KCNH7: variants seen among roughly 807,000 people sequenced by gnomAD.
The protein encoded by KCNH7 is potassium voltage-gated channel subfamily H member 7.
A neutral mutation model predicts 120.8 loss-of-function variants in KCNH7; 49 were observed. That is an observed-to-expected ratio of 0.41 (90% CI 0.32 to 0.51). The LOEUF (loss-of-function observed/expected upper bound fraction) is 0.51, where lower values mean the gene tolerates loss of function less well. KCNH7 is among the 20% of genes least tolerant of loss of function. The pLI is 0.38. For missense variants in KCNH7, 1,097 were observed against 1,446.6 expected (o/e 0.76, Z 3.92); for synonymous variants, 547 against 516.1 (o/e 1.06, Z -0.81).
intron 2 of KCNH7, among the ~76,000 whole-genome samples, chr2:162,775,209 A>G (rs893378859): frequency 2.6e-5 from 4 of 152,150 alleles, no homozygotes; most frequent in African/African-American, 9.7e-5. Context: ...GTAAAAAAAA[A>G]TTATCTGATT....
rs142090201 is a variant in KCNH7 at position 162,646,196 on chromosome 2, A to G, written c.308-109116T>C. Among the ~76,000 whole-genome samples the G allele has an allele frequency of 4.3e-3, 654 of 152,316 alleles. 2 individuals carry two copies. Among genetic ancestry groups the G allele is most frequent in the Admixed American group, 8.7e-3 (133 of 15,288 alleles). On this transcript the variant is annotated intron_variant, in intron 2 of 15. Coordinates refer to ENST00000332142, the MANE Select transcript of KCNH7 (RefSeq NM_033272.4). ...TTTATGTTTTATCTGTATATATTAG[A>G]ACTGAGAATGCCCACGTAGGACAGA...
At chr2:162,694,343 T>C (rs1242455093) in intron 2 of KCNH7, among the ~76,000 whole-genome samples, 1 of 152,202 alleles carries the variant, frequency 6.6e-6, no homozygotes, top group Admixed American at 6.5e-5. Flanking sequence ...GAACTCAGAC[T>C]GTTCTCCTCT....
intron 2 of KCNH7, among the ~76,000 whole-genome samples, chr2:162,605,949 A>G (rs930379771): frequency 6.6e-6 from 1 of 152,136 alleles, no homozygotes; most frequent in Admixed American, 6.6e-5. Flanking sequence ...CAGAATAATT[A>G]TTTAATATTT....
chr2:162,638,570 T>C (rs1363658619), intron 2 of KCNH7, among the ~76,000 whole-genome samples: 1 of 152,068 alleles, frequency 6.6e-6, no homozygotes, highest in Non-Finnish European at 1.5e-5. Flanking sequence ...GCTTAAAAAG[T>C]AACCAGCATC....
chr2:162,551,887 G>C (rs1692680347), intron 2 of KCNH7, among the ~76,000 whole-genome samples: 1 of 152,102 alleles, frequency 6.6e-6, no homozygotes, highest in East Asian at 1.9e-4. Flanking sequence ...TGGTATTGGT[G>C]ATAAATTGTG....
At chr2:162,687,129 T>C (rs1383757558) in intron 2 of KCNH7, among the ~76,000 whole-genome samples, 3 of 152,068 alleles carry the variant, frequency 2.0e-5, no homozygotes, top group African/African-American at 4.8e-5. Context: ...AGCCTTGACA[T>C]TGATTTTGCT....
intron 12 of KCNH7, among the ~76,000 whole-genome samples, chr2:162,388,833 A>G (rs113074874): frequency 0.013 from 1,978 of 152,090 alleles, 42 homozygotes; most frequent in African/African-American, 0.045. Flanking sequence ...GTTTATTGCT[A>G]TCCTTTGAAA....
intron 2 of KCNH7, among the ~76,000 whole-genome samples, chr2:162,593,059 A>G (rs1694263202): frequency 6.6e-6 from 1 of 152,138 alleles, no homozygotes; most frequent in South Asian, 2.1e-4. Flanking sequence ...CAAGGGCCAA[A>G]AAATAAAAAT....
chr2:162,428,608 C>T (rs1001178501), intron 8 of KCNH7, among the ~76,000 whole-genome samples: 11 of 151,786 alleles, frequency 7.2e-5, no homozygotes, highest in African/African-American at 2.7e-4. Context: ...CTATAAAACG[C>T]TGAGAGAGGA....
intron 9 of KCNH7, among the ~76,000 whole-genome samples, chr2:162,409,961 C>G (rs1286582041): frequency 6.6e-6 from 1 of 151,934 alleles, no homozygotes; most frequent in African/African-American, 2.4e-5. Context: ...ACATTTCATG[C>G]TCATGGATAG....
chr2:162,635,595 A>C lies in KCNH7; in HGVS notation c.308-98515T>G, dbSNP rs545332823. On this transcript the variant is annotated intron_variant, in intron 2 of 15. Transcript: ENST00000332142. ...AAATTGCTGCCATGCACATATCTGAATCACAATTCCTGCTAATTCTTTTTG... is the reference window on the plus strand; with the variant it reads ...AAATTGCTGCCATGCACATATCTGACTCACAATTCCTGCTAATTCTTTTTG... 3.9e-5 allele frequency among the ~76,000 whole-genome samples: 6 copies of C among 152,208 alleles called. No individual in the cohort carries two copies. In the East Asian group the frequency reaches 1.2e-3, roughly 29 times the overall value.
intron 2 of KCNH7, among the ~76,000 whole-genome samples, chr2:162,790,592 T>C (rs1173443848): frequency 6.6e-6 from 1 of 151,932 alleles, no homozygotes; most frequent in African/African-American, 2.4e-5. Context: ...ACCAAAATAC[T>C]AGCAAACTGA....
At chr2:162,687,054 T>G (rs1247784763) in intron 2 of KCNH7, among the ~76,000 whole-genome samples, 1 of 151,996 alleles carries the variant, frequency 6.6e-6, no homozygotes, top group East Asian at 1.9e-4. Flanking sequence ...AAAAAGCGAG[T>G]GTCCCTCTAT....
intron 2 of KCNH7, among the ~76,000 whole-genome samples, chr2:162,629,945 T>A (rs1354241341): frequency 1.3e-5 from 2 of 152,098 alleles, no homozygotes; most frequent in Non-Finnish European, 2.9e-5. Context: ...ATGAAGAAAT[T>A]TGGATTGAGT....
intron 2 of KCNH7, among the ~76,000 whole-genome samples, chr2:162,595,719 C>T (rs1227900395): frequency 6.6e-6 from 1 of 151,660 alleles, no homozygotes; most frequent in East Asian, 1.9e-4. Flanking sequence ...CTAGCCTGAG[C>T]AATTAGTCAA....
intron 2 of KCNH7, among the ~76,000 whole-genome samples, chr2:162,825,263 A>G (rs979940373): frequency 1.3e-5 from 2 of 152,036 alleles, no homozygotes; most frequent in African/African-American, 4.8e-5. Context: ...ATTGCTCCCT[A>G]GGTTTCAAAA....
chr2:162,700,812 C>T (rs1342755727), intron 2 of KCNH7, among the ~76,000 whole-genome samples: 2 of 152,096 alleles, frequency 1.3e-5, no homozygotes, highest in Admixed American at 1.3e-4. Flanking sequence ...GATTGTTGCT[C>T]ATTCATTTAG....
chr2:162,621,250 A>ATTTTTTTT (rs1559048811), intron 2 of KCNH7, among the ~76,000 whole-genome samples: 10 of 34,302 alleles, frequency 2.9e-4, no homozygotes, highest in African/African-American at 8.2e-4. Flanking sequence ...GGGTATCATC[A>ATTTTTTTT]TCTTTTTTTT....
chr2:162,478,684 A>C (rs1558967558), intron 6 of KCNH7, among the ~76,000 whole-genome samples: 1 of 152,150 alleles, frequency 6.6e-6, no homozygotes, highest in Non-Finnish European at 1.5e-5. Context: ...CAAATCAATG[A>C]GGTTTTGAAG....
Sources: gnomAD v4.1 joint callset for allele counts (sites outside exome capture counted in the v4.1 genomes callset) on GRCh38, gnomAD v4.1.1 for gene constraint, MANE v1.5 for transcripts, NCBI Gene and HGNC (gene_info 2026-07-23, HGNC 2026-07-21) for gene names.